CD83: variants seen among roughly 807,000 people sequenced by gnomAD.
CD83 encodes the protein CD83 molecule.
Under a neutral mutation model 24.6 loss-of-function variants are expected in CD83, and 22 were observed. The ratio of observed to expected loss-of-function variants is 0.90; its 90% confidence interval spans 0.64 to 1.28. The LOEUF (loss-of-function observed/expected upper bound fraction) is 1.28, where lower values mean the gene tolerates loss of function less well. Ranked by LOEUF, CD83 falls within the 50% of genes most tolerant of loss-of-function variation. CD83 has a pLI of 0.00. For missense variants in CD83, 253 were observed against 252.8 expected (o/e 1.00, Z -0.01); for synonymous variants, 101 against 103.5 (o/e 0.98, Z 0.14).
intron 2 of CD83, among the ~76,000 whole-genome samples, chr6:14,118,306 T>A (rs2113382786): frequency 1.3e-5 from 2 of 151,532 alleles, no homozygotes; most frequent in South Asian, 2.1e-4. Context: ...TCACTGAAGG[T>A]GGCCTGAGAT....
rs374650264 is a variant in CD83, at chr6:14,135,430, T to TA, written c.*195dup. 1.8e-4 allele frequency: 104 copies of TA among 568,746 alleles called. No homozygotes were observed. The East Asian group carries it at 2.9e-3, about 16-fold the overall frequency. 35.2% of individuals were successfully genotyped at this position (568,746 alleles called of 1,614,324 possible). On this transcript the variant is annotated 3_prime_UTR_variant, in exon 5 of 5. Coordinates refer to ENST00000379153, the MANE Select transcript of CD83 (RefSeq NM_004233.4). ...CCTCGAAAACCATCACATGACCACA[T>TA]AGCATGAGGCCACTGCTGCTTCTCC...
At position 14,118,036 on chromosome 6, in the gene CD83, C is replaced by G; in HGVS notation, c.124C>G (p.Gln42Glu). The G allele has an allele frequency of 6.2e-7, 1 of 1,610,224 alleles. No individual in the cohort carries two copies. The highest frequency in any genetic ancestry group is 1.1e-5 in the South Asian group (1 of 90,556). The change falls in exon 2 of 5, where the codon CAG becomes GAG. Residue 42 changes from glutamine to glutamate, a missense_variant. By Grantham distance (29) the Gln-to-Glu change is conservative (BLOSUM62 2). Transcript: ENST00000379153. ...GCCCTGCACCGCCCCCTGGGATCCG[C>G]AGGTTCCCTACACGGTCTCCTGGGT... ...DLPCTAPWDP[Q>E]VPYTVSWVKL...
rs117407945 is a variant in CD83, at chr6:14,119,735, C to T, written c.153+1670C>T. 1.0e-3 allele frequency among the ~76,000 whole-genome samples: 155 copies of T among 152,176 alleles called. 5 individuals are homozygous for T. The highest frequency in any genetic ancestry group is 4.2e-3 in the East Asian group (22 of 5,182). On this transcript the variant is annotated intron_variant, in intron 2 of 4. Coordinates refer to ENST00000379153, the MANE Select transcript of CD83 (RefSeq NM_004233.4). ...GCAGGGACTTAGTTATCTCAAAGAA[C>T]GGGGAAAAACATGAAACCACTATCC...
At chr6:14,117,720 AG>A, upstream of CD83, 1 of 903,494 alleles carries the variant, frequency 1.1e-6, no homozygotes, top group Non-Finnish European at 1.5e-6. The surrounding 1 kb of genome is among the most constrained non-coding windows in gnomAD (Gnocchi z 4.6). Flanking sequence ...GCTGGCGCGC[AG>A]GGAAGTTCCC....
At chr6:14,118,505 T>A in intron 2 of CD83, among the ~76,000 whole-genome samples, 1 of 152,036 alleles carries the variant, frequency 6.6e-6, no homozygotes, top group African/African-American at 2.4e-5. Context: ...CCATGATACA[T>A]GGGAGGGGGA....
At chr6:14,119,590 T>C (rs1369245471) in intron 2 of CD83, among the ~76,000 whole-genome samples, 2 of 152,194 alleles carry the variant, frequency 1.3e-5, no homozygotes, top group African/African-American at 4.8e-5. Context: ...ATGGTGGAGT[T>C]GGGATTTGAA....
chr6:14,117,764 C>G, upstream of CD83: 3 of 1,353,652 alleles, frequency 2.2e-6, no homozygotes, highest in Non-Finnish European at 1.9e-6. The surrounding 1 kb of genome is among the most constrained non-coding windows in gnomAD (Gnocchi z 4.6). Flanking sequence ...AGCCGGCGCC[C>G]GCGCGCCACA....
chr6:14,121,263 G>A (rs1759662151), intron 2 of CD83, among the ~76,000 whole-genome samples: 1 of 151,942 alleles, frequency 6.6e-6, no homozygotes, highest in African/African-American at 2.4e-5. Flanking sequence ...TCGACTTCCT[G>A]GGCTCGAGTA....
intron 2 of CD83, among the ~76,000 whole-genome samples, chr6:14,124,361 C>T (rs561752737): frequency 3.3e-5 from 5 of 152,274 alleles, no homozygotes; most frequent in South Asian, 2.1e-4. Context: ...TTGAGGTTAC[C>T]GATTCTAGAA....
intron 2 of CD83, among the ~76,000 whole-genome samples, chr6:14,121,002 C>T (rs1358407958): frequency 1.3e-5 from 2 of 152,226 alleles, no homozygotes; most frequent in African/African-American, 4.8e-5. Context: ...ATCCCAATTC[C>T]TGTTGGCCCA....
Position 14,136,709 on chromosome 6 carries a change from A to T in CD83, c.*1473A>T, listed in dbSNP as rs571666142. 5 of 152,288 alleles carry T rather than the reference A, an allele frequency of 3.3e-5. No individual in the cohort carries two copies. Among genetic ancestry groups the T allele is most frequent in the Admixed American group, 2.6e-4 (4 of 15,302 alleles). 9.4% of individuals were successfully genotyped at this position (152,288 alleles called of 1,614,324 possible). A position where few individuals can be genotyped will look rare whatever the true frequency, so the allele number is the denominator to read the frequency against. ...TGTTTTTCTGTTTTATATTCAACTC[A>T]TAAGACTTTGGGATAGGAAAAATGA... is the stretch of plus-strand genomic sequence containing the variant. On this transcript the variant is annotated 3_prime_UTR_variant, in exon 5 of 5. Coordinates refer to ENST00000379153, the MANE Select transcript of CD83 (RefSeq NM_004233.4).
At chr6:14,128,608 T>G (rs1479933638) in intron 2 of CD83, among the ~76,000 whole-genome samples, 3 of 152,156 alleles carry the variant, frequency 2.0e-5, no homozygotes, top group Non-Finnish European at 4.4e-5. Flanking sequence ...CTCTGGGTCA[T>G]TTAGGAAAAG....
Position 14,117,810 on chromosome 6 carries a change from C to T in CD83, c.-2C>T. On this transcript the variant is annotated 5_prime_UTR_variant, in exon 1 of 5. Transcript: ENST00000379153. The surrounding 1 kb of genome is among the most constrained non-coding windows in gnomAD (Gnocchi z 4.6). ...TCGTGGCAGCGGCGCAGCGCTCCAG[C>T]CATGTCGCGCGGCCTCCAGCTTCTG... The T allele has an allele frequency of 1.9e-6, 3 of 1,555,606 alleles. No individual in the cohort carries two copies. Among genetic ancestry groups the T allele is most frequent in the Non-Finnish European group, 2.6e-6 (3 of 1,157,962 alleles).
At chr6:14,120,927 G>T (rs888667673) in intron 2 of CD83, among the ~76,000 whole-genome samples, 1 of 152,132 alleles carries the variant, frequency 6.6e-6, no homozygotes, top group South Asian at 2.1e-4. Context: ...AGTGAGATGG[G>T]CTAGAGGGGA....
chr6:14,121,022 T>A (rs1759657766), intron 2 of CD83, among the ~76,000 whole-genome samples: 1 of 152,242 alleles, frequency 6.6e-6, no homozygotes, highest in Non-Finnish European at 1.5e-5. Context: ...AGCTCTTCTC[T>A]TCTATGGACC....
chr6:14,133,659 A>G lies in CD83; in HGVS notation c.393A>G (p.Ala131=). Residue 131 remains alanine, a synonymous_variant, in exon 4 of 5, where the codon GCA becomes GCG. Transcript: ENST00000379153. ...KVILRVTGCP[A]QRKEETFKKY... is the part of the protein sequence containing the mutation. The stretch of plus-strand genomic sequence containing the variant: ...CTTACTTTTTTAAAGGATGCCCTGC[A>G]CAGCGTAAAGAAGAGACTTTTAAGA... The G allele has an allele frequency of 6.2e-7, 1 of 1,609,650 alleles. No individual in the cohort carries two copies. The highest frequency in any genetic ancestry group is 1.1e-5 in the South Asian group (1 of 90,662).
rs767705052 is a variant in CD83, at chr6:14,117,965, C to T, written c.53C>T (p.Pro18Leu). 4 of 1,609,480 alleles carry T rather than the reference C, an allele frequency of 2.5e-6. No homozygotes were observed. The Admixed American group carries it at 5.0e-5, about 20-fold the overall frequency. ...TTTCTTGTAGCCTACAGCCTGGCTC[C>T]CGCGACGCCGGAGGTGAAGGTGGCT... ...LLLSCAYSLAPATPEVKVACS... is the reference protein window; with the variant it reads ...LLLSCAYSLALATPEVKVACS... Residue 18 changes from proline to leucine, a missense_variant, in exon 2 of 5, where the codon CCC becomes CTC. Coordinates refer to ENST00000379153, the MANE Select transcript of CD83 (RefSeq NM_004233.4). This position sits in a 1 kb window ranked among gnomAD's most constrained non-coding sequence, Gnocchi z 4.6.
At chr6:14,118,574 G>A (rs1416354693) in intron 2 of CD83, among the ~76,000 whole-genome samples, 1 of 152,264 alleles carries the variant, frequency 6.6e-6, no homozygotes, top group African/African-American at 2.4e-5. Flanking sequence ...TTTCATCCAT[G>A]GTAGTTATCA....
chr6:14,118,225 C>G (rs1759588028), intron 2 of CD83, among the ~76,000 whole-genome samples, 160 bp downstream of exon 2: 1 of 152,194 alleles, frequency 6.6e-6, no homozygotes, highest in African/African-American at 2.4e-5. Flanking sequence ...TCGCGCCTCC[C>G]CCACCCCATC....
Sources: gnomAD v4.1 joint callset for allele counts (sites outside exome capture counted in the v4.1 genomes callset) on GRCh38, gnomAD v4.1.1 for gene constraint, Gnocchi (gnomAD v3.1) non-coding constraint, MANE v1.5 for transcripts, NCBI Gene and HGNC (gene_info 2026-07-23, HGNC 2026-07-21) for gene names.